The following ZNF254 variants were observed in gnomAD, a reference collection of about 807,000 sequenced individuals.
The protein encoded by ZNF254 is zinc finger protein 254.
A neutral mutation model predicts 12.4 loss-of-function variants in ZNF254; 10 were observed. The ratio of observed to expected loss-of-function variants is 0.80; its 90% CI spans 0.50 to 1.36. The LOEUF (loss-of-function observed/expected upper bound fraction) is 1.36, where lower values mean the gene tolerates loss of function less well. Ranked by LOEUF, ZNF254 falls within the 40% of genes most tolerant of loss-of-function variation. The pLI, the probability that ZNF254 is intolerant of heterozygous loss-of-function variation, is 0.00. For synonymous variants in ZNF254, 305 were observed against 253.4 expected (o/e 1.20, Z -1.93); for missense variants, 996 against 763.9 (o/e 1.30, Z -3.58).
At chr19:24,118,750 ATGT>A (rs1350456748) in intron 3 of ZNF254, among the ~76,000 whole-genome samples, 5 of 152,028 alleles carry the variant, frequency 3.3e-5, no homozygotes, top group Admixed American at 2.6e-4. Flanking sequence ...TATGCATTTA[ATGT>A]TGTAGCTAAG....
chr19:24,095,134 C>G (rs2145710520), intron 1 of ZNF254, among the ~76,000 whole-genome samples: 1 of 152,286 alleles, frequency 6.6e-6, no homozygotes, highest in South Asian at 2.1e-4. Context: ...TTTTCTGCAT[C>G]TATTGTGGTA....
chr19:24,120,807 C>T (rs1049029891), intron 3 of ZNF254, among the ~76,000 whole-genome samples: 4 of 151,962 alleles, frequency 2.6e-5, no homozygotes, highest in South Asian at 2.1e-4. Flanking sequence ...GAACTATACG[C>T]GGCTGCCACC....
intron 2 of ZNF254, among the ~76,000 whole-genome samples, chr19:24,070,059 C>T (rs1040173887): frequency 1.3e-5 from 2 of 152,192 alleles, no homozygotes; most frequent in African/African-American, 2.4e-5. Context: ...ATGCAAACAT[C>T]GAGCCAGGAA....
Position 24,094,326 on chromosome 19 carries a change from T to A in ZNF254, c.30+6989T>A, listed in dbSNP as rs539844008. Among the ~76,000 whole-genome samples, 7 of 151,860 alleles carry A rather than the reference T, an allele frequency of 4.6e-5. No homozygotes were observed. In the East Asian group the frequency reaches 1.4e-3, roughly 30 times the overall value. ...CGCCCAGGCTGGAGTGAAGTGGCAG[T>A]CTTGGCTCACCGCAAACTCCACCTC... On this transcript the variant is annotated intron_variant, in intron 1 of 3. Coordinates refer to ENST00000357002, the MANE Select transcript of ZNF254 (RefSeq NM_203282.4).
At chr19:24,048,557 A>G (rs1970499276) in intron 2 of ZNF254, among the ~76,000 whole-genome samples, 1 of 152,170 alleles carries the variant, frequency 6.6e-6, no homozygotes, top group African/African-American at 2.4e-5. Context: ...TCCTGGGCTC[A>G]TCCAGGTGAT....
Position 24,126,972 on chromosome 19 carries a change from T to G in ZNF254, c.972T>G (p.Cys324Trp), listed in dbSNP as rs200436121. Residue 324 changes from cysteine (C) to tryptophan (W), a missense_variant, in exon 4 of 4, where the codon TGT (cysteine) becomes TGG (tryptophan). Coordinates refer to ENST00000357002, the MANE Select transcript of ZNF254 (RefSeq NM_203282.4). ...ATACTAGAAAGAAACCCTACAAGTG[T>G]GAAGAATGTGGCAAAGCATTTATAT... Reference protein sequence around the residue: ...KIHTRKKPYKCEECGKAFIWS... With the variant: ...KIHTRKKPYKWEECGKAFIWS... 1.2e-5 allele frequency: 19 copies of G among 1,613,624 alleles called. No individual in the cohort carries two copies. The highest frequency in any genetic ancestry group is 1.7e-5 in the Admixed American group (1 of 59,938).
chr19:24,079,136 C>G (rs1038760904), intron 2 of ZNF254: 1 of 152,124 alleles, frequency 6.6e-6, no homozygotes, highest in African/African-American at 2.4e-5. Flanking sequence ...ATTTTTGCTT[C>G]TCAGTCAGAA....
intron 2 of ZNF254, chr19:24,065,909 C>T (rs1971253128): frequency 6.6e-6 from 1 of 152,172 alleles, no homozygotes; most frequent in Non-Finnish European, 1.5e-5. Flanking sequence ...TGACATAACT[C>T]AATGCCCATC....
At chr19:24,038,044 G>A (rs1433452146) in intron 1 of ZNF254, among the ~76,000 whole-genome samples, 1 of 152,166 alleles carries the variant, frequency 6.6e-6, no homozygotes, top group African/African-American at 2.4e-5. Context: ...ACTGTACCTG[G>A]CCAGAAAACT....
Position 24,128,069 on chromosome 19 carries a change from GCTAATGCTTTTGACAGTAC to G in ZNF254, c.*94_*112del, listed in dbSNP as rs1490888933. The stretch of plus-strand genomic sequence containing the variant: ...GAGAAACTACAAACCTGAGAGAGGC[GCTAATGCTTTTGACAGTAC>G]CTAAAACTTTAAAGAAAATCATTCT... On this transcript the variant is annotated 3_prime_UTR_variant, in exon 4 of 4. Coordinates refer to ENST00000357002, the MANE Select transcript of ZNF254 (RefSeq NM_203282.4). 9.0e-6 allele frequency: 12 copies of G among 1,334,860 alleles called. No homozygotes were observed. In the East Asian group the frequency reaches 2.9e-4, roughly 33 times the overall value. 82.7% of individuals were successfully genotyped at this position (1,334,860 alleles called of 1,614,324 possible).
intron 1 of ZNF254, among the ~76,000 whole-genome samples, chr19:24,037,040 C>A (rs1969992784): frequency 6.6e-6 from 1 of 152,214 alleles, no homozygotes; most frequent in Non-Finnish European, 1.5e-5. Context: ...CTCTCTATCA[C>A]CCTGGGCTTG....
intron 2 of ZNF254, chr19:24,080,475 T>C (rs1971808330): frequency 6.6e-6 from 1 of 152,164 alleles, no homozygotes; most frequent in African/African-American, 2.4e-5. Flanking sequence ...CCACCACGGT[T>C]TCCATCAGAC....
At chr19:24,053,616 T>C (rs1184371714) in intron 2 of ZNF254, among the ~76,000 whole-genome samples, 2 of 152,162 alleles carry the variant, frequency 1.3e-5, no homozygotes, top group African/African-American at 4.8e-5. Context: ...GAAGGGATTG[T>C]AATATATTGC....
At position 24,127,395 on chromosome 19, in the gene ZNF254, A is replaced by G; in HGVS notation, c.1395A>G (p.Glu465=). 6.2e-7 allele frequency: 1 copy of G among 1,612,616 alleles called. No homozygotes were observed. Among genetic ancestry groups the G allele is most frequent in the African/African-American group, 1.3e-5 (1 of 74,986 alleles). The change falls in exon 4 of 4, where the codon GAA becomes GAG. Residue 465 remains glutamate (E), a synonymous_variant. Coordinates refer to ENST00000357002, the MANE Select transcript of ZNF254 (RefSeq NM_203282.4). ...IHTREKPYKC[E]ECGKAFIWSS... ...CTAGAGAGAAACCCTACAAATGTGA[A>G]GAATGTGGCAAGGCATTTATATGGT...
intron 1 of ZNF254, chr19:24,105,732 A>T: frequency 1.5e-6 from 1 of 673,290 alleles, no homozygotes; most frequent in South Asian, 1.9e-5. Flanking sequence ...TCACATATAC[A>T]CTGATGTGGA....
At chr19:24,088,751 G>C (rs1304735872) in intron 1 of ZNF254, among the ~76,000 whole-genome samples, 1 of 151,838 alleles carries the variant, frequency 6.6e-6, no homozygotes, top group Admixed American at 6.6e-5. Context: ...CTGCCTTATG[G>C]GATCAAATGA....
At chr19:24,105,660 C>A in intron 1 of ZNF254, 1 of 293,512 alleles carries the variant, frequency 3.4e-6, no homozygotes, top group Non-Finnish European at 6.4e-6. Flanking sequence ...GTAAACGTAG[C>A]ACTCAAAAAT....
At chr19:24,098,279 C>G (rs1972788904) in intron 1 of ZNF254, 1 of 152,168 alleles carries the variant, frequency 6.6e-6, no homozygotes, top group Non-Finnish European at 1.5e-5. Context: ...TAGTGTCTTT[C>G]ATTTCACAAA....
intron 1 of ZNF254, among the ~76,000 whole-genome samples, chr19:24,090,180 A>G (rs1343074827): frequency 1.3e-5 from 2 of 152,128 alleles, no homozygotes; most frequent in African/African-American, 4.8e-5. Context: ...CCTGGGCGAC[A>G]GAGTGAGACT....
Sources: allele counts gnomAD v4.1 joint callset (sites outside exome capture counted in the v4.1 genomes callset), GRCh38; gene constraint gnomAD v4.1.1; transcripts MANE v1.5; gene names NCBI Gene and HGNC (gene_info 2026-07-23, HGNC 2026-07-21).